DNAH7: variants seen among roughly 807,000 people sequenced by gnomAD.
DNAH7 encodes dynein axonemal heavy chain 7, also known as axonemal beta dynein heavy chain 7.
Under a neutral mutation model 444.6 loss-of-function variants are expected in DNAH7, and 397 were observed. That is an observed-to-expected ratio of 0.89 (90% CI 0.82 to 0.97). DNAH7 has a LOEUF of 0.97. Among genes scored for constraint, DNAH7 ranks in the 50% least tolerant of loss-of-function variants. The probability of loss-of-function intolerance (pLI) is 0.00; values close to 1 mark genes in which losing one functional copy is unlikely to be tolerated. For synonymous variants in DNAH7, 1,636 were observed against 1,624.4 expected (o/e 1.01, Z -0.17); for missense variants, 4,902 against 4,800.8 (o/e 1.02, Z -0.62).
chr2:195,841,924 G>A (rs190874170), intron 47 of DNAH7, among the ~76,000 whole-genome samples: 2 of 152,046 alleles, frequency 1.3e-5, no homozygotes, highest in African/African-American at 4.8e-5. Flanking sequence ...GAAAATACAT[G>A]TTCACAGCAG....
chr2:195,797,429 C>G (rs544605865), intron 55 of DNAH7, among the ~76,000 whole-genome samples: 17 of 152,234 alleles, frequency 1.1e-4, no homozygotes, highest in Admixed American at 5.9e-4. Context: ...CAAAGTAGAG[C>G]TGGATCCTGC....
chr2:195,768,966 T>C (rs989725112), intron 61 of DNAH7, among the ~76,000 whole-genome samples: 4 of 152,182 alleles, frequency 2.6e-5, no homozygotes, highest in African/African-American at 9.7e-5. Flanking sequence ...GATATAAAAT[T>C]GTCCCAGTTA....
intron 33 of DNAH7, among the ~76,000 whole-genome samples, chr2:195,887,199 A>T (rs1304213670): frequency 6.7e-6 from 1 of 149,278 alleles, no homozygotes; most frequent in African/African-American, 2.6e-5. Context: ...TATAGAAAGG[A>T]TGTTTCAGTT....
intron 12 of DNAH7, among the ~76,000 whole-genome samples, chr2:195,993,163 G>A (rs144191857): frequency 2.0e-5 from 3 of 152,268 alleles, no homozygotes; most frequent in Non-Finnish European, 2.9e-5. Flanking sequence ...TACATCATTT[G>A]ACCTGGTTCT....
At chr2:195,872,590 T>A (rs1358644839) in intron 39 of DNAH7, 121 bp from the exon 40 acceptor site, 2 of 529,988 alleles carry the variant, frequency 3.8e-6, no homozygotes, top group East Asian at 6.6e-5. Context: ...ATTTCATTTA[T>A]AAAATTACCA....
chr2:196,027,168 A>G (rs1695742360), intron 6 of DNAH7, among the ~76,000 whole-genome samples: 1 of 152,134 alleles, frequency 6.6e-6, no homozygotes, highest in Non-Finnish European at 1.5e-5. Context: ...TATACTGTAA[A>G]ACATCAAGTT....
intron 48 of DNAH7, among the ~76,000 whole-genome samples, chr2:195,827,709 GGTGGAACT>G (rs1697841473): frequency 1.3e-5 from 2 of 151,770 alleles, no homozygotes; most frequent in Non-Finnish European, 2.9e-5. Flanking sequence ...ACCTCACATA[GGTGGAACT>G]ATAGGCATGG....
rs138994472 is a variant in DNAH7, at chr2:195,956,557, G to A, written c.3078+704C>T. Among the ~76,000 whole-genome samples the A allele has an allele frequency of 8.7e-3, 1,325 of 151,966 alleles. 11 individuals are homozygous for A. Among genetic ancestry groups the A allele is most frequent in the Middle Eastern group, 0.014 (4 of 294 alleles). On this transcript the variant is annotated intron_variant, in intron 19 of 64. Coordinates refer to ENST00000312428, the MANE Select transcript of DNAH7 (RefSeq NM_018897.3). ...TCTCAGTTACTTGGGAGGCTGAGGC[G>A]GGAGAATCACTTGAGCCTGGGAGGC...
At chr2:195,788,358 T>C (rs1695726179) in intron 57 of DNAH7, among the ~76,000 whole-genome samples, 1 of 152,186 alleles carries the variant, frequency 6.6e-6, no homozygotes, top group Non-Finnish European at 1.5e-5. Context: ...GGTGAGACAC[T>C]GGGAAGTGGA....
At chr2:195,945,895 T>C (rs1227039795) in intron 19 of DNAH7, among the ~76,000 whole-genome samples, 1 of 152,142 alleles carries the variant, frequency 6.6e-6, no homozygotes. Context: ...AGAGGGATTA[T>C]CCACTTACTT....
chr2:195,740,447 C>A (rs1692930358), intron 64 of DNAH7, among the ~76,000 whole-genome samples: 1 of 151,942 alleles, frequency 6.6e-6, no homozygotes, highest in Non-Finnish European at 1.5e-5. Flanking sequence ...ATTTACTGAT[C>A]AGCTAACAAA....
At chr2:195,740,611 G>A (rs916852608) in intron 64 of DNAH7, among the ~76,000 whole-genome samples, 155 bp downstream of exon 64, 3,120 of 65,790 alleles carry the variant, frequency 0.047, 94 homozygotes, top group African/African-American at 0.15. Context: ...GTGTGTGTGT[G>A]TGTGTATATA....
At chr2:196,004,820 G>T (rs1209727492) in intron 10 of DNAH7, among the ~76,000 whole-genome samples, 2 of 151,496 alleles carry the variant, frequency 1.3e-5, no homozygotes, top group African/African-American at 4.9e-5. Context: ...TCTTAGCTAG[G>T]CATGGTGACA....
intron 30 of DNAH7, chr2:195,894,218 C>G (rs1359186288): frequency 2.0e-5 from 3 of 152,076 alleles, no homozygotes; most frequent in African/African-American, 7.2e-5. Context: ...AAGTAAATCA[C>G]AGTGACACCC....
intron 63 of DNAH7, among the ~76,000 whole-genome samples, chr2:195,750,237 C>G (rs1693715809): frequency 6.6e-6 from 1 of 152,020 alleles, no homozygotes; most frequent in Non-Finnish European, 1.5e-5. Flanking sequence ...ATTAGTAAAT[C>G]AACGTAAAAA....
intron 21 of DNAH7, among the ~76,000 whole-genome samples, chr2:195,930,721 T>C (rs923047995): frequency 2.0e-5 from 3 of 152,166 alleles, no homozygotes; most frequent in African/African-American, 7.2e-5. Context: ...AAGACACATA[T>C]ACTCATATGT....
At position 196,013,445 on chromosome 2, in the gene DNAH7, T is replaced by C. The variant is rs116363006; in HGVS notation, c.870-539A>G. ...AATCCTTCTTTTGACTACAATGTTA[T>C]AGATCTTTGTTATACACACGGTTTA... is the stretch of plus-strand genomic sequence containing the variant. On this transcript the variant is annotated intron_variant, in intron 9 of 64. Transcript: ENST00000312428. 2.3e-3 allele frequency among the ~76,000 whole-genome samples: 350 copies of C among 152,312 alleles called. 1 individual carries two copies. Among genetic ancestry groups the C allele is most frequent in the African/African-American group, 7.9e-3 (329 of 41,578 alleles).
At position 195,790,760 on chromosome 2, in the gene DNAH7, C is replaced by A. The variant is rs368147657; in HGVS notation, c.10716+3578G>T. 3.9e-5 allele frequency among the ~76,000 whole-genome samples: 6 copies of A among 152,042 alleles called. 1 individual carries two copies. In the South Asian group the frequency reaches 1.0e-3, roughly 26 times the overall value. On this transcript the variant is annotated intron_variant, in intron 57 of 64. Coordinates refer to ENST00000312428, the MANE Select transcript of DNAH7 (RefSeq NM_018897.3). ...ATCCTAGAAGAAAACCAAGGAAATA[C>A]CCTTCTCAAAATTGGCCTTGGAAAA...
chr2:196,049,884 T>C (rs1697360265), intron 3 of DNAH7, among the ~76,000 whole-genome samples: 1 of 152,252 alleles, frequency 6.6e-6, no homozygotes, highest in South Asian at 2.1e-4. Context: ...AAAATGTCTA[T>C]TCCATTTCAG....
Sources: allele counts gnomAD v4.1 joint callset (sites outside exome capture counted in the v4.1 genomes callset), GRCh38; gene constraint gnomAD v4.1.1; transcripts MANE v1.5; gene names NCBI Gene and HGNC (gene_info 2026-07-23, HGNC 2026-07-21).